PDLIM3: variants seen among roughly 807,000 people sequenced by gnomAD.
PDLIM3 encodes PDZ and LIM domain 3, also known as PDZ and LIM domain protein 3.
A neutral mutation model predicts 37.3 loss-of-function variants in PDLIM3; 36 were observed. The ratio of observed to expected loss-of-function variants is 0.97; its 90% CI spans 0.74 to 1.28. PDLIM3 has a LOEUF of 1.28. Among genes scored for constraint, PDLIM3 ranks in the 50% most tolerant of loss-of-function variants. The pLI is 0.00. For synonymous variants in PDLIM3, 174 were observed against 182.4 expected (o/e 0.95, Z 0.37); for missense variants, 454 against 485.0 (o/e 0.94, Z 0.60).
At chr4:185,506,952 C>T (rs1406532673) in intron 5 of PDLIM3, 1 of 344,366 alleles carries the variant, frequency 2.9e-6, no homozygotes, top group Non-Finnish European at 5.6e-6. Flanking sequence ...AAGAACAAGA[C>T]TTGAGTCTGA....
chr4:185,523,495 A>G (rs1007848636), intron 2 of PDLIM3, 49 bp from the exon 3 acceptor site: 1 of 1,158,064 alleles, frequency 8.6e-7, no homozygotes, highest in Non-Finnish European at 1.3e-6. Context: ...TGGTACTTTC[A>G]GTTTTAGCAT....
At chr4:185,527,541 C>A (rs899067509) in intron 1 of PDLIM3, among the ~76,000 whole-genome samples, 2 of 152,182 alleles carry the variant, frequency 1.3e-5, no homozygotes, top group Non-Finnish European at 2.9e-5. Flanking sequence ...GTGAAGACAA[C>A]TGGGGATTAT....
At chr4:185,518,845 T>C (rs553558419) in intron 3 of PDLIM3, among the ~76,000 whole-genome samples, 15 of 152,190 alleles carry the variant, frequency 9.9e-5, no homozygotes, top group Non-Finnish European at 2.1e-4. Context: ...GTATGTAAAC[T>C]CTATTATCTT....
chr4:185,506,012 C>G (rs753200780), intron 6 of PDLIM3, among the ~76,000 whole-genome samples: 4 of 151,296 alleles, frequency 2.6e-5, no homozygotes, highest in Non-Finnish European at 5.9e-5. Context: ...TGGCCTTTCA[C>G]AAGGCCACCC....
At chr4:185,523,579 T>TTG (rs1554039492) in intron 2 of PDLIM3, 133 bp from the exon 3 acceptor site, 1 of 629,440 alleles carries the variant, frequency 1.6e-6, no homozygotes, top group East Asian at 2.8e-5. Context: ...TTTTTTTTTT[T>TTG]GCTGATTATT....
At chr4:185,513,037 G>A (rs919928335) in intron 4 of PDLIM3, 10 of 985,292 alleles carry the variant, frequency 1.0e-5, no homozygotes, top group Non-Finnish European at 1.2e-5. Flanking sequence ...TATCCAGTGA[G>A]CATTTATTGG....
chr4:185,514,459 A>G lies in PDLIM3; in HGVS notation c.331-122T>C. On this transcript the variant is annotated intron_variant, in intron 3 of 7. Coordinates refer to ENST00000284767, the MANE Select transcript of PDLIM3 (RefSeq NM_014476.6). This position sits in a 1 kb window ranked among gnomAD's most constrained non-coding sequence, Gnocchi z 4.0. ...CCACCAACTACTGTCATAACTAAGA[A>G]AGGCGATGACGGGACCAGGACGATG... 1.3e-6 allele frequency: 2 copies of G among 1,583,166 alleles called. No homozygotes were observed. The highest frequency in any genetic ancestry group is 4.5e-5 in the East Asian group (2 of 44,512).
Position 185,514,592 on chromosome 4 carries a change from G to C in PDLIM3, c.331-255C>G. Reference sequence around the variant, plus strand: ...TTGTCTTTAAAAGAGAAATCTGATAGTGCCTTCAGGAAAGTAAAAATAAAA... The same window carrying C: ...TTGTCTTTAAAAGAGAAATCTGATACTGCCTTCAGGAAAGTAAAAATAAAA... On this transcript the variant is annotated intron_variant, in intron 3 of 7. Coordinates refer to ENST00000284767, the MANE Select transcript of PDLIM3 (RefSeq NM_014476.6). The surrounding 1 kb of genome is among the most constrained non-coding windows in gnomAD (Gnocchi z 4.0). 1 of 1,265,302 alleles carries C rather than the reference G, an allele frequency of 7.9e-7. No individual in the cohort carries two copies. The highest frequency in any genetic ancestry group is 1.5e-5 in the South Asian group (1 of 64,610). The allele number at this position is 1,265,302 out of a possible 1,614,324, so 78.4% of individuals were successfully genotyped here. A position where few individuals can be genotyped will look rare whatever the true frequency, so the allele number is the denominator to read the frequency against.
In PDLIM3 at chr4:185,502,219, G is replaced by A. The variant is rs368849057; in HGVS notation, c.*75C>T. On this transcript the variant is annotated 3_prime_UTR_variant, in exon 8 of 8. Coordinates refer to ENST00000284767, the MANE Select transcript of PDLIM3 (RefSeq NM_014476.6). ...AGTTGACAATCTGCACAATCCTTCT[G>A]CCCAAAGCCATGAATGTCTTCTCGT... The A allele has an allele frequency of 3.6e-5, 52 of 1,428,754 alleles. No homozygotes were observed. Among genetic ancestry groups the A allele is most frequent in the Non-Finnish European group, 4.0e-6 (4 of 1,011,812 alleles). 88.5% of individuals were successfully genotyped at this position (1,428,754 alleles called of 1,614,324 possible).
At chr4:185,534,116 TTA>T (rs1374888125) in intron 1 of PDLIM3, among the ~76,000 whole-genome samples, 2 of 152,232 alleles carry the variant, frequency 1.3e-5, no homozygotes, top group African/African-American at 4.8e-5. Flanking sequence ...TCAGATGTGT[TTA>T]TATGTTTTTG....
chr4:185,530,988 ATAC>A (rs2095743398), intron 1 of PDLIM3, among the ~76,000 whole-genome samples: 1 of 3,654 alleles, frequency 2.7e-4, no homozygotes, highest in African/African-American at 1.5e-3. Context: ...ACACACACAC[ATAC>A]ACACACACAC....
At chr4:185,510,020 C>T (rs1296616743) in intron 4 of PDLIM3, among the ~76,000 whole-genome samples, 3 of 152,056 alleles carry the variant, frequency 2.0e-5, no homozygotes, top group Admixed American at 1.3e-4. Flanking sequence ...CTTTTGAGAA[C>T]CTATTGAAAA....
chr4:185,524,507 T>C (rs1033013767), intron 2 of PDLIM3, among the ~76,000 whole-genome samples: 1 of 152,262 alleles, frequency 6.6e-6, no homozygotes, highest in Non-Finnish European at 1.5e-5. Flanking sequence ...GTATTTCACA[T>C]GCCCACGTGC....
At chr4:185,506,005 C>A (rs891949199) in intron 6 of PDLIM3, among the ~76,000 whole-genome samples, 2 of 151,740 alleles carry the variant, frequency 1.3e-5, no homozygotes, top group Admixed American at 1.3e-4. Context: ...GGCTATGTGG[C>A]CTTTCACAAG....
intron 3 of PDLIM3, among the ~76,000 whole-genome samples, chr4:185,519,122 A>G (rs1367003409): frequency 6.6e-6 from 1 of 152,212 alleles, no homozygotes; most frequent in Non-Finnish European, 1.5e-5. Context: ...ATTTTTGTAC[A>G]GAAAAATAGA....
At chr4:185,505,885 T>C (rs1363564274) in intron 6 of PDLIM3, among the ~76,000 whole-genome samples, 1 of 152,190 alleles carries the variant, frequency 6.6e-6, no homozygotes, top group Non-Finnish European at 1.5e-5. Context: ...TGCATTTTTG[T>C]GTGGCTTTTA....
At chr4:185,505,040 C>A (rs1322427843) in intron 6 of PDLIM3, among the ~76,000 whole-genome samples, 1 of 151,354 alleles carries the variant, frequency 6.6e-6, no homozygotes, top group African/African-American at 2.5e-5. Flanking sequence ...TCCCCGTGCT[C>A]CTGCTCATAG....
At position 185,523,342 on chromosome 4, in the gene PDLIM3, A is replaced by T. The variant is rs753557334; in HGVS notation, c.330+20T>A. The T allele has an allele frequency of 6.6e-7, 1 of 1,524,648 alleles. No homozygotes were observed. Among genetic ancestry groups the T allele is most frequent in the East Asian group, 2.3e-5 (1 of 44,406 alleles). The allele number at this position is 1,524,648 out of a possible 1,614,324, so 94.4% of individuals were successfully genotyped here. ...TTTAAAAGGAAATACAATGTGTATC[A>T]TTTGCTCTAAAACGCATACCTGTGG... On this transcript the variant is annotated intron_variant, in intron 3 of 7. Transcript: ENST00000284767.
At position 185,513,628 on chromosome 4, in the gene PDLIM3, G is replaced by A. The variant is rs910470844; in HGVS notation, c.398+642C>T. On this transcript the variant is annotated intron_variant, in intron 4 of 7. Transcript: ENST00000284767. ...GTAAATCATATTCAATGTTCCTGTC[G>A]GAATCAATCCGGTCTAACCACCAGC... The A allele has an allele frequency of 3.5e-5, 35 of 987,416 alleles. No homozygotes were observed. In the African/African-American group the frequency reaches 4.6e-4, roughly 13 times the overall value. 61.2% of individuals were successfully genotyped at this position (987,416 alleles called of 1,614,324 possible).
Sources: gnomAD v4.1 joint callset for allele counts (sites outside exome capture counted in the v4.1 genomes callset) on GRCh38, gnomAD v4.1.1 for gene constraint, Gnocchi (gnomAD v3.1) non-coding constraint, MANE v1.5 for transcripts, NCBI Gene and HGNC (gene_info 2026-07-23, HGNC 2026-07-21) for gene names.